Variants in ESF1 observed in about 807,000 individuals in gnomAD.
ESF1 encodes ESF1 nucleolar pre-rRNA processing protein.
A neutral mutation model predicts 92.0 loss-of-function variants in ESF1; 58 were observed. The ratio of observed to expected loss-of-function variants is 0.63; its 90% confidence interval spans 0.51 to 0.78. ESF1 has a LOEUF of 0.78. ESF1 is among the 30% of genes least tolerant of loss of function. ESF1 has a pLI of 0.00. For missense variants in ESF1, 922 were observed against 989.1 expected, an observed-to-expected ratio of 0.93 and a Z score of 0.91; for synonymous variants, 321 against 313.7, an observed-to-expected ratio of 1.02 and a Z score of -0.24.
At chr20:13,746,217 G>A (rs1487065332) in intron 9 of ESF1, among the ~76,000 whole-genome samples, 2 of 151,906 alleles carry the variant, frequency 1.3e-5, no homozygotes, top group African/African-American at 4.8e-5. Context: ...TGCCTGTCTT[G>A]GCCTCCCAAA....
At chr20:13,753,756 T>C (rs1050856338) in intron 9 of ESF1, among the ~76,000 whole-genome samples, 4 of 152,154 alleles carry the variant, frequency 2.6e-5, no homozygotes, top group African/African-American at 9.7e-5. Flanking sequence ...CACCACAATC[T>C]TACTTTCCAA....
rs372853781 is a variant in ESF1 at position 13,715,177 on chromosome 20, CAAA to C, written c.2263-13_2263-11del. ...CATCGTTAACATTTACCTGCAAATC[CAAA>C]AAAAAAAAAAATTAATAAATTAATT... On this transcript the variant is annotated splice_polypyrimidine_tract_variant and intron_variant, in intron 13 of 13. Coordinates refer to ENST00000617257, the MANE Select transcript of ESF1 (RefSeq NM_001276380.2). 4.2e-5 allele frequency: 50 copies of C among 1,198,630 alleles called. No homozygotes were observed. Among genetic ancestry groups the C allele is most frequent in the Middle Eastern group, 2.8e-4 (1 of 3,556 alleles). 74.2% of individuals were successfully genotyped at this position (1,198,630 alleles called of 1,614,324 possible). A position where few individuals can be genotyped will look rare whatever the true frequency, so the allele number is the denominator to read the frequency against.
intron 9 of ESF1, among the ~76,000 whole-genome samples, chr20:13,744,754 T>C (rs1202665156): frequency 6.6e-6 from 1 of 152,262 alleles, no homozygotes; most frequent in East Asian, 1.9e-4. Flanking sequence ...AGTGTCACTG[T>C]AGCAGTGAAG....
chr20:13,745,369 T>G (rs1320637508), intron 9 of ESF1, among the ~76,000 whole-genome samples: 2 of 152,224 alleles, frequency 1.3e-5, no homozygotes, highest in Admixed American at 1.3e-4. Flanking sequence ...AGTTATACAA[T>G]GGAATTCTCT....
chr20:13,775,067 AAGGAAAACTATGGCC>A, intron 4 of ESF1, 75 bp downstream of exon 4: 1 of 816,032 alleles, frequency 1.2e-6, no homozygotes, highest in South Asian at 1.9e-5. Context: ...TTTTCCTAAA[AAGGAAAACTATGGCC>A]AAAAAAAAAA....
intron 8 of ESF1, among the ~76,000 whole-genome samples, chr20:13,761,731 G>A (rs569766348): frequency 6.6e-6 from 1 of 152,236 alleles, no homozygotes; most frequent in Admixed American, 6.5e-5. Flanking sequence ...GCATTTCCTA[G>A]TTCTGCAAAA....
At chr20:13,753,171 C>T (rs897794724) in intron 9 of ESF1, among the ~76,000 whole-genome samples, 1 of 151,996 alleles carries the variant, frequency 6.6e-6, no homozygotes, top group African/African-American at 2.4e-5. Flanking sequence ...ATTCCTTCTC[C>T]CAAAACAATG....
chr20:13,719,481 C>T (rs1241952012), intron 11 of ESF1, among the ~76,000 whole-genome samples: 1 of 151,790 alleles, frequency 6.6e-6, no homozygotes, highest in Admixed American at 6.6e-5. Context: ...AATTCCTACA[C>T]AATAAAAATG....
In ESF1 at chr20:13,776,087, T is replaced by C; in HGVS notation, c.821A>G (p.Asp274Gly). The change falls in exon 3 of 14, where the codon GAT (aspartate) becomes GGT (glycine). Residue 274 changes from aspartate to glycine, a missense_variant. Asp to Gly is a moderately conservative substitution (Grantham distance 94). Coordinates refer to ENST00000617257, the MANE Select transcript of ESF1 (RefSeq NM_001276380.2). ...TTCATCTTCATCCTCCTCTTCATCA[T>C]CTTCACTTCCATCGTCATCACCTGA... ...RASGDDDGSE[D>G]DEEEDEDEEE... 6.2e-7 allele frequency: 1 copy of C among 1,613,904 alleles called. No individual in the cohort carries two copies. The highest frequency in any genetic ancestry group is 8.5e-7 in the Non-Finnish European group (1 of 1,179,832).
chr20:13,740,409 A>G (rs1032784019), intron 9 of ESF1, among the ~76,000 whole-genome samples: 2 of 152,202 alleles, frequency 1.3e-5, no homozygotes, highest in African/African-American at 4.8e-5. Context: ...AATAAACAGC[A>G]CACTAGACAG....
chr20:13,771,257 C>T (rs1392066145), intron 6 of ESF1, 74 bp downstream of exon 6: 1 of 1,356,550 alleles, frequency 7.4e-7, no homozygotes, highest in Admixed American at 1.9e-5. Context: ...GAGATCACTA[C>T]CAGTTCAAAT....
chr20:13,738,037 C>A (rs2049986751), intron 9 of ESF1, among the ~76,000 whole-genome samples: 1 of 152,222 alleles, frequency 6.6e-6, no homozygotes, highest in African/African-American at 2.4e-5. Context: ...CCTTCAAACT[C>A]TCCACCCCAA....
chr20:13,715,900 C>A (rs2049821566), intron 13 of ESF1, among the ~76,000 whole-genome samples: 1 of 152,076 alleles, frequency 6.6e-6, no homozygotes, highest in Admixed American at 6.6e-5. Flanking sequence ...GGATTTGATA[C>A]CCAGAACAAG....
At chr20:13,780,882 T>C (rs921487582) in intron 2 of ESF1, among the ~76,000 whole-genome samples, 2 of 152,242 alleles carry the variant, frequency 1.3e-5, no homozygotes, top group Non-Finnish European at 2.9e-5. Flanking sequence ...CAAACAATCA[T>C]TTCTCGCTGC....
intron 8 of ESF1, among the ~76,000 whole-genome samples, chr20:13,764,951 A>C (rs1979366793): frequency 6.6e-6 from 1 of 152,108 alleles, no homozygotes; most frequent in African/African-American, 2.4e-5. Flanking sequence ...GGCCAGGCAC[A>C]GAGGCTCACG....
At chr20:13,717,048 A>T (rs571828886) in intron 13 of ESF1, among the ~76,000 whole-genome samples, 22 of 151,656 alleles carry the variant, frequency 1.5e-4, no homozygotes, top group Admixed American at 3.3e-4. Flanking sequence ...TGACCTCCTG[A>T]CCTCGTGATC....
chr20:13,784,811 G>T (rs774330550), intron 1 of ESF1, 69 bp downstream of exon 1: 1 of 541,828 alleles, frequency 1.8e-6, no homozygotes, highest in Non-Finnish European at 3.3e-6. Flanking sequence ...TTTTTTCCCC[G>T]CGCCACACAC....
At chr20:13,750,437 A>G (rs766665766) in intron 9 of ESF1, among the ~76,000 whole-genome samples, 2 of 152,120 alleles carry the variant, frequency 1.3e-5, no homozygotes, top group Non-Finnish European at 2.9e-5. Context: ...CGCGGGAGGC[A>G]GCGGTTGCAG....
intron 10 of ESF1, among the ~76,000 whole-genome samples, chr20:13,732,324 C>T (rs2049948575): frequency 6.6e-6 from 1 of 152,152 alleles, no homozygotes; most frequent in Admixed American, 6.5e-5. Context: ...AGTGTGACAG[C>T]AGAGGAAAAA....
Sources: gnomAD v4.1 joint callset for allele counts (sites outside exome capture counted in the v4.1 genomes callset) on GRCh38, gnomAD v4.1.1 for gene constraint, MANE v1.5 for transcripts, NCBI Gene and HGNC (gene_info 2026-07-23, HGNC 2026-07-21) for gene names.